PDE3B: variants seen among roughly 807,000 people sequenced by gnomAD.
PDE3B encodes the protein cGMP-inhibited 3',5'-cyclic phosphodiesterase 3B.
Under a neutral mutation model 116.8 loss-of-function variants are expected in PDE3B, and 66 were observed. The ratio of observed to expected loss-of-function variants is 0.56; its 90% CI spans 0.46 to 0.69. The LOEUF is 0.69. PDE3B is among the 30% of genes least tolerant of loss of function. The pLI is 0.00. For missense variants in PDE3B, 1,384 were observed against 1,368.1 expected (o/e 1.01, Z -0.18); for synonymous variants, 595 against 533.6 (o/e 1.12, Z -1.59).
chr11:14,731,784 C>T (rs1047474459), intron 1 of PDE3B, among the ~76,000 whole-genome samples: 1 of 152,128 alleles, frequency 6.6e-6, no homozygotes, highest in African/African-American at 2.4e-5. Context: ...AAAGTGCTTA[C>T]TGAGCGCCTA....
At chr11:14,660,524 G>A (rs1345673714) in intron 1 of PDE3B, among the ~76,000 whole-genome samples, 3 of 151,684 alleles carry the variant, frequency 2.0e-5, no homozygotes, top group Admixed American at 1.3e-4. Flanking sequence ...CGCTGGTCTT[G>A]AACTCCTGAG....
chr11:14,861,435 T>C (rs1414755259), intron 14 of PDE3B, 69 bp downstream of exon 14: 1 of 1,396,002 alleles, frequency 7.2e-7, no homozygotes, highest in East Asian at 2.3e-5. Flanking sequence ...CTTTGGGTTT[T>C]GGATAGCTTT....
chr11:14,686,280 C>A (rs183077066), intron 1 of PDE3B, among the ~76,000 whole-genome samples: 1 of 152,086 alleles, frequency 6.6e-6, no homozygotes, highest in Non-Finnish European at 1.5e-5. Context: ...TATTTTCAAC[C>A]CTTATGTGCT....
At chr11:14,667,581 C>T (rs937638139) in intron 1 of PDE3B, among the ~76,000 whole-genome samples, 2 of 151,114 alleles carry the variant, frequency 1.3e-5, no homozygotes, top group African/African-American at 2.4e-5. Context: ...AGCAAACTGT[C>T]GCAAGGACAA....
At chr11:14,779,388 A>G (rs1032098947) in intron 2 of PDE3B, among the ~76,000 whole-genome samples, 1 of 152,190 alleles carries the variant, frequency 6.6e-6, no homozygotes, top group Non-Finnish European at 1.5e-5. Context: ...AAGTTGAAAT[A>G]AAGGAAAAAA....
At chr11:14,737,224 C>T (rs543809944) in intron 1 of PDE3B, among the ~76,000 whole-genome samples, 41 of 147,498 alleles carry the variant, frequency 2.8e-4, no homozygotes, top group African/African-American at 8.0e-4. Context: ...GATGGAATCT[C>T]GCTCTTTCAC....
At chr11:14,827,786 G>A (rs1425790530) in intron 7 of PDE3B, among the ~76,000 whole-genome samples, 1 of 152,090 alleles carries the variant, frequency 6.6e-6, no homozygotes, top group Non-Finnish European at 1.5e-5. Context: ...AACTACCAAT[G>A]AAATTCATCA....
chr11:14,661,367 C>T (rs559583635), intron 1 of PDE3B, among the ~76,000 whole-genome samples: 246 of 152,342 alleles, frequency 1.6e-3, no homozygotes, highest in Non-Finnish European at 3.0e-3. Flanking sequence ...CTACAGCTTC[C>T]AGCGTGAGCG....
chr11:14,876,356 ATAAT>A (rs1848189176), downstream of PDE3B, among the ~76,000 whole-genome samples: 1 of 152,126 alleles, frequency 6.6e-6, no homozygotes, highest in Admixed American at 6.6e-5. Context: ...ATAAAATAAA[ATAAT>A]TAAAGAAAGA....
chr11:14,733,701 G>A (rs1856522298), intron 1 of PDE3B, among the ~76,000 whole-genome samples: 2 of 152,098 alleles, frequency 1.3e-5, no homozygotes, highest in Non-Finnish European at 2.9e-5. Context: ...TGAAAAGTAA[G>A]CCATTGGTAT....
intron 1 of PDE3B, among the ~76,000 whole-genome samples, chr11:14,721,884 C>G (rs369231478): frequency 6.6e-5 from 9 of 135,582 alleles, no homozygotes; most frequent in Admixed American, 5.4e-4. Flanking sequence ...ATGTAACTAA[C>G]CTGCGCAATG....
chr11:14,862,331 T>C (rs1555007316), intron 14 of PDE3B, among the ~76,000 whole-genome samples: 2 of 152,224 alleles, frequency 1.3e-5, no homozygotes, highest in African/African-American at 4.8e-5. Context: ...CCAAGGTCTC[T>C]TTCAACCCTG....
chr11:14,851,717 A>T (rs998458416), intron 12 of PDE3B, among the ~76,000 whole-genome samples: 2 of 152,206 alleles, frequency 1.3e-5, no homozygotes, highest in African/African-American at 4.8e-5. Context: ...TTGCAATACC[A>T]TTCTGTAAGA....
chr11:14,715,485 A>G (rs534773211), intron 1 of PDE3B, among the ~76,000 whole-genome samples: 1 of 152,064 alleles, frequency 6.6e-6, no homozygotes, highest in Non-Finnish European at 1.5e-5. Flanking sequence ...CGTCCCTTGT[A>G]AGTTGGATTC....
chr11:14,844,090 C>A, intron 12 of PDE3B, 64 bp downstream of exon 12: 1 of 1,191,666 alleles, frequency 8.4e-7, no homozygotes, highest in Non-Finnish European at 1.2e-6. Context: ...GCTGTGTATC[C>A]CTTTATAAAT....
intron 7 of PDE3B, among the ~76,000 whole-genome samples, chr11:14,829,254 T>C (rs1859797242): frequency 6.6e-6 from 1 of 152,032 alleles, no homozygotes; most frequent in Non-Finnish European, 1.5e-5. Context: ...AACCCCTTTG[T>C]TACATGCTTA....
At chr11:14,862,134 CCA>C (rs1422300430) in intron 14 of PDE3B, among the ~76,000 whole-genome samples, 1 of 152,202 alleles carries the variant, frequency 6.6e-6, no homozygotes, top group Admixed American at 6.5e-5. Context: ...CTGCTGATCA[CCA>C]GTTTCTGTTG....
At position 14,849,408 on chromosome 11, in the gene PDE3B, A is replaced by G. The variant is rs11023357; in HGVS notation, c.2520+5382A>G. Among the ~76,000 whole-genome samples, 430 of 152,278 alleles carry G rather than the reference A, an allele frequency of 2.8e-3. 10 individuals carry two copies. In the East Asian group the frequency reaches 0.076, roughly 27 times the overall value. ...CCTAGAAGAAAACCTAGGCATTACC[A>G]TTCAGGAGATAGGCATGGGCAAGGA... On this transcript the variant is annotated intron_variant, in intron 12 of 15. Transcript: ENST00000282096.
chr11:14,750,529 A>G (rs932116962), intron 1 of PDE3B, among the ~76,000 whole-genome samples: 2 of 152,044 alleles, frequency 1.3e-5, no homozygotes, highest in African/African-American at 4.8e-5. Flanking sequence ...TGTGAATATT[A>G]TATATAATTT....
Sources: gnomAD v4.1 joint callset for allele counts (sites outside exome capture counted in the v4.1 genomes callset) on GRCh38, gnomAD v4.1.1 for gene constraint, MANE v1.5 for transcripts, NCBI Gene and HGNC (gene_info 2026-07-23, HGNC 2026-07-21) for gene names.